The following TAF8 variants were observed in gnomAD, a reference collection of about 807,000 sequenced individuals.
The protein encoded by TAF8 is TATA-box binding protein associated factor 8, also known as transcription initiation factor TFIID subunit 8.
A neutral mutation model predicts 36.5 loss-of-function variants in TAF8; 47 were observed. The ratio of observed to expected loss-of-function variants is 1.29; its 90% CI spans 1.02 to 1.64. The LOEUF (loss-of-function observed/expected upper bound fraction) is 1.64, where lower values mean the gene tolerates loss of function less well. Ranked by LOEUF, TAF8 falls within the 40% of genes most tolerant of loss-of-function variation. The pLI is 0.00. For missense variants in TAF8, 420 were observed against 407.6 expected (o/e 1.03, Z -0.26); for synonymous variants, 175 against 159.5 (o/e 1.10, Z -0.73).
At chr6:42,067,343 A>G (rs1351705090) in intron 6 of TAF8, among the ~76,000 whole-genome samples, 1 of 152,202 alleles carries the variant, frequency 6.6e-6, no homozygotes, top group Non-Finnish European at 1.5e-5. Context: ...TTCAGCAAGT[A>G]GCTGGGACTA....
chr6:42,080,988 GC>G lies in TAF8; in HGVS notation c.*3445del. 1.0e-6 allele frequency: 1 copy of G among 984,972 alleles called. No homozygotes were observed. Among genetic ancestry groups the G allele is most frequent in the African/African-American group, 1.7e-5 (1 of 57,314 alleles). 61.0% of individuals were successfully genotyped at this position (984,972 alleles called of 1,614,324 possible). On this transcript the variant is annotated 3_prime_UTR_variant, in exon 9 of 9. Coordinates refer to ENST00000372977, the MANE Select transcript of TAF8 (RefSeq NM_138572.3). ...TAAGTCAGGCTTAGCCCTTGTGTTG[GC>G]CTAAGCACACCTGGGAACTTAGTAA...
rs1765797602 is a variant in TAF8, at chr6:42,077,571, A to G, written c.*26A>G. The stretch of plus-strand genomic sequence containing the variant: ...GCTGAGAAGGAAACCTGGCTTGTAC[A>G]GGGGCGCAGATTCCACCCTCCCGGG... On this transcript the variant is annotated 3_prime_UTR_variant, in exon 9 of 9. Coordinates refer to ENST00000372977, the MANE Select transcript of TAF8 (RefSeq NM_138572.3). 1.2e-6 allele frequency: 2 copies of G among 1,611,660 alleles called. No individual in the cohort carries two copies. Among genetic ancestry groups the G allele is most frequent in the East Asian group, 2.2e-5 (1 of 44,852 alleles).
In TAF8 at chr6:42,078,618, T is replaced by C. The variant is rs1765831659; in HGVS notation, c.*1073T>C. On this transcript the variant is annotated 3_prime_UTR_variant, in exon 9 of 9. Transcript: ENST00000372977. The stretch of plus-strand genomic sequence containing the variant: ...AAGAACGACATGTCGGGGCTGCACC[T>C]GTCCTCCCGTCGGCATTTGACGAAA... 1.0e-6 allele frequency: 1 copy of C among 985,354 alleles called. No individual in the cohort carries two copies. The allele number at this position is 985,354 out of a possible 1,614,324, so 61.0% of individuals were successfully genotyped here.
Position 42,077,356 on chromosome 6 carries a change from A to T in TAF8, c.920+117A>T, listed in dbSNP as rs1240223328. 2.7e-6 allele frequency: 4 copies of T among 1,499,156 alleles called. No homozygotes were observed. In the East Asian group the frequency reaches 7.2e-5, roughly 27 times the overall value. The allele number at this position is 1,499,156 out of a possible 1,614,324, so 92.9% of individuals were successfully genotyped here. ...CCTTGGGGAAAGCCACTCTGGTGAG[A>T]GGGAATAGTCTCCCTTTTCCTGTCC... is the stretch of plus-strand genomic sequence containing the variant. On this transcript the variant is annotated intron_variant, in intron 8 of 8. Transcript: ENST00000372977.
chr6:42,082,778 T>G lies in TAF8; in HGVS notation c.*5233T>G, dbSNP rs982469850. The G allele has an allele frequency of 1.3e-4, 20 of 152,202 alleles. No individual in the cohort carries two copies. Among genetic ancestry groups the G allele is most frequent in the African/African-American group, 4.8e-4 (20 of 41,456 alleles). 9.4% of individuals were successfully genotyped at this position (152,202 alleles called of 1,614,324 possible). On this transcript the variant is annotated 3_prime_UTR_variant, in exon 9 of 9. Coordinates refer to ENST00000372977, the MANE Select transcript of TAF8 (RefSeq NM_138572.3). ...GGCACCATAGTTTAACACAGTTTCT[T>G]TAACCATTCACGCATTGAGACAAAA...
At position 42,057,855 on chromosome 6, in the gene TAF8, G is replaced by A. The variant is rs114303275; in HGVS notation, c.489+342G>A. On this transcript the variant is annotated intron_variant, in intron 5 of 8. Transcript: ENST00000372977. Reference sequence around the variant, plus strand: ...GAGAATTATGTTCTCAAGTTTGCCAGCTAAAGTATAATTAACAAAGAAATT... The same window carrying A: ...GAGAATTATGTTCTCAAGTTTGCCAACTAAAGTATAATTAACAAAGAAATT... 2,344 of 318,318 alleles carry A rather than the reference G, an allele frequency of 7.4e-3. 54 individuals are homozygous for A. Among genetic ancestry groups the A allele is most frequent in the African/African-American group, 0.046 (2,155 of 46,678 alleles). The allele number at this position is 318,318 out of a possible 1,614,324, so 19.7% of individuals were successfully genotyped here. A position where few individuals can be genotyped will look rare whatever the true frequency, so the allele number is the denominator to read the frequency against.
At chr6:42,062,349 G>A (rs1368586276) in intron 5 of TAF8, among the ~76,000 whole-genome samples, 1 of 151,788 alleles carries the variant, frequency 6.6e-6, no homozygotes, top group Non-Finnish European at 1.5e-5. Flanking sequence ...CCAGATTCTG[G>A]CCCCACATCA....
At chr6:42,086,606 C>A, downstream of TAF8, 2 of 1,046,872 alleles carry the variant, frequency 1.9e-6, no homozygotes, top group African/African-American at 1.6e-5. Context: ...AGCAGCTCCC[C>A]TGATCTGCGG....
At chr6:42,051,269 T>C (rs1764770696) in intron 1 of TAF8, 88 bp from the exon 2 acceptor site, 3 of 1,378,696 alleles carry the variant, frequency 2.2e-6, no homozygotes, top group Middle Eastern at 1.9e-4. Context: ...AATTATTTAG[T>C]AAAATAACTT....
chr6:42,057,910 T>C (rs1333456597), intron 5 of TAF8: 1 of 218,738 alleles, frequency 4.6e-6, no homozygotes, highest in Non-Finnish European at 8.9e-6. Context: ...CCTGTCCTAC[T>C]AAAACACAAA....
At chr6:42,062,531 T>TTTTC (rs1170046956) in intron 5 of TAF8, among the ~76,000 whole-genome samples, 2 of 107,162 alleles carry the variant, frequency 1.9e-5, no homozygotes, top group Non-Finnish European at 2.0e-5. Flanking sequence ...AAGACAATCT[T>TTTTC]TTTTTTTTTT....
chr6:42,078,848 G>C lies in TAF8; in HGVS notation c.*1303G>C. On this transcript the variant is annotated 3_prime_UTR_variant, in exon 9 of 9. Transcript: ENST00000372977. ...AAACAGTAGGAAAGAGGGGCTACGC[G>C]CAGTGGCTCACGCCTGTAATCCCAG... 2.0e-6 allele frequency: 2 copies of C among 985,498 alleles called. No individual in the cohort carries two copies. Among genetic ancestry groups the C allele is most frequent in the Admixed American group, 6.1e-5 (1 of 16,282 alleles). 61.0% of individuals were successfully genotyped at this position (985,498 alleles called of 1,614,324 possible).
At chr6:42,059,805 C>G (rs529328069) in intron 5 of TAF8, among the ~76,000 whole-genome samples, 170 of 152,340 alleles carry the variant, frequency 1.1e-3, no homozygotes, top group African/African-American at 4.0e-3. Context: ...AGTTAGATCT[C>G]TTTCACCGTC....
chr6:42,061,233 A>G (rs761423285), intron 5 of TAF8, among the ~76,000 whole-genome samples: 24 of 152,222 alleles, frequency 1.6e-4, no homozygotes, highest in Non-Finnish European at 3.2e-4. Context: ...GCATACAACA[A>G]TTTTACATAG....
In TAF8 at chr6:42,078,229, A is replaced by T. The variant is rs1765821947; in HGVS notation, c.*684A>T. ...TCAATCAGGCTATGTGGTGGGGCAT[A>T]GCAGCAGCCAGTGACTTCGTTCATT... On this transcript the variant is annotated 3_prime_UTR_variant, in exon 9 of 9. Coordinates refer to ENST00000372977, the MANE Select transcript of TAF8 (RefSeq NM_138572.3). 1 of 985,528 alleles carries T rather than the reference A, an allele frequency of 1.0e-6. No homozygotes were observed. Among genetic ancestry groups the T allele is most frequent in the Admixed American group, 6.1e-5 (1 of 16,290 alleles). The allele number at this position is 985,528 out of a possible 1,614,324, so 61.0% of individuals were successfully genotyped here.
intron 7 of TAF8, among the ~76,000 whole-genome samples, chr6:42,074,040 C>T (rs1169911452): frequency 1.3e-5 from 2 of 152,082 alleles, no homozygotes. Context: ...CCCATAGTTG[C>T]AGTCACTTGG....
In TAF8 at chr6:42,078,312, A is replaced by T; in HGVS notation, c.*767A>T. The T allele has an allele frequency of 1.0e-6, 1 of 985,452 alleles. No individual in the cohort carries two copies. Among genetic ancestry groups the T allele is most frequent in the Non-Finnish European group, 1.2e-6 (1 of 829,950 alleles). 61.0% of individuals were successfully genotyped at this position (985,452 alleles called of 1,614,324 possible). A position where few individuals can be genotyped will look rare whatever the true frequency, so the allele number is the denominator to read the frequency against. ...GACCAGGGAAAGTGACAGGAAGGAA[A>T]GGGCTCTTTGCTGCTGTGCTTATTA... is the stretch of plus-strand genomic sequence containing the variant. On this transcript the variant is annotated 3_prime_UTR_variant, in exon 9 of 9. Transcript: ENST00000372977.
At chr6:42,076,803 C>G (rs1176652345) in intron 7 of TAF8, among the ~76,000 whole-genome samples, 4 of 152,146 alleles carry the variant, frequency 2.6e-5, no homozygotes, top group Non-Finnish European at 5.9e-5. Context: ...GAATTTGATT[C>G]CTGTCCCTCC....
intron 5 of TAF8, among the ~76,000 whole-genome samples, chr6:42,064,016 A>C (rs1381546428): frequency 6.6e-6 from 1 of 152,204 alleles, no homozygotes; most frequent in Non-Finnish European, 1.5e-5. Flanking sequence ...ATAGTTGAAA[A>C]TGGTACATCA....
Sources: allele counts gnomAD v4.1 joint callset (sites outside exome capture counted in the v4.1 genomes callset), GRCh38; gene constraint gnomAD v4.1.1; transcripts MANE v1.5; gene names NCBI Gene and HGNC (gene_info 2026-07-23, HGNC 2026-07-21).